Variants in SH3GL3 observed in about 807,000 individuals in gnomAD.
The protein encoded by SH3GL3 is SH3 domain containing GRB2 like 3, endophilin A3, also known as endophilin-A3.
SH3GL3 carries 33 observed loss-of-function variants against 47.7 expected under a neutral mutation model. The observed-to-expected ratio is 0.69, with a 90% CI of 0.52 to 0.92. SH3GL3 has a LOEUF of 0.92. SH3GL3 is among the 40% of genes least tolerant of loss of function. SH3GL3 has a pLI of 0.00. For missense variants in SH3GL3, 363 were observed against 417.8 expected, an observed-to-expected ratio of 0.87 and a Z score of 1.14; for synonymous variants, 155 against 148.8, an observed-to-expected ratio of 1.04 and a Z score of -0.30.
chr15:83,615,375 T>A lies in SH3GL3; in HGVS notation c.839-2707T>A, dbSNP rs1025487351. ...TGTCACCCAGGCTGGAGTGTAGTGG[T>A]GTGATCTCAGCTCACTGCAACCTCC... is the stretch of plus-strand genomic sequence containing the variant. On this transcript the variant is annotated intron_variant, in intron 8 of 8. Coordinates refer to ENST00000427482, the MANE Select transcript of SH3GL3 (RefSeq NM_003027.5). Among the ~76,000 whole-genome samples the A allele has an allele frequency of 3.3e-5, 5 of 152,262 alleles. 1 individual carries two copies. The highest frequency in any genetic ancestry group is 6.5e-5 in the Admixed American group (1 of 15,284).
chr15:83,578,089 T>C (rs2059732882), intron 6 of SH3GL3, among the ~76,000 whole-genome samples: 1 of 152,212 alleles, frequency 6.6e-6, no homozygotes, highest in Non-Finnish European at 1.5e-5. Flanking sequence ...AATCTTCTAT[T>C]GTACTGTGGT....
chr15:83,459,943 C>G (rs1050034683), intron 1 of SH3GL3, among the ~76,000 whole-genome samples: 9 of 149,902 alleles, frequency 6.0e-5, no homozygotes, highest in Admixed American at 2.7e-4. Context: ...CTGTTTCCCC[C>G]CCACCCCCAG....
At chr15:83,480,230 A>G (rs2041287792) in intron 1 of SH3GL3, among the ~76,000 whole-genome samples, 1 of 152,142 alleles carries the variant, frequency 6.6e-6, no homozygotes, top group Non-Finnish European at 1.5e-5. Flanking sequence ...TATTACTTTT[A>G]TCTTTTTGTT....
intron 1 of SH3GL3, among the ~76,000 whole-genome samples, chr15:83,533,729 A>G (rs892579387): frequency 6.6e-6 from 1 of 151,900 alleles, no homozygotes; most frequent in South Asian, 2.1e-4. Context: ...TTTGGAGTGT[A>G]GGATGAAAGG....
chr15:83,567,951 T>C (rs2045629481), intron 3 of SH3GL3, among the ~76,000 whole-genome samples: 1 of 148,612 alleles, frequency 6.7e-6, no homozygotes, highest in Non-Finnish European at 1.5e-5. Flanking sequence ...ATGTGCCCCA[T>C]CATTTCTTTT....
intron 6 of SH3GL3, among the ~76,000 whole-genome samples, chr15:83,580,430 G>A (rs777254218): frequency 6.6e-6 from 1 of 152,214 alleles, no homozygotes; most frequent in African/African-American, 2.4e-5. Context: ...AGGGAAGCCT[G>A]GTGGCAGGCA....
At chr15:83,541,313 T>A (rs1292403090) in intron 1 of SH3GL3, among the ~76,000 whole-genome samples, 1 of 14,916 alleles carries the variant, frequency 6.7e-5, no homozygotes, top group African/African-American at 3.8e-4. Context: ...GGTAATTCTA[T>A]TTTTTTTTTT....
chr15:83,488,564 C>T (rs759001731), intron 1 of SH3GL3, among the ~76,000 whole-genome samples: 3 of 152,282 alleles, frequency 2.0e-5, no homozygotes, highest in Middle Eastern at 3.4e-3. Context: ...GCCTCTTCCT[C>T]GACACACTTT....
At chr15:83,599,349 T>C (rs998055378) in intron 8 of SH3GL3, among the ~76,000 whole-genome samples, 2 of 152,172 alleles carry the variant, frequency 1.3e-5, no homozygotes, top group African/African-American at 4.8e-5. Flanking sequence ...CCCTTACCCC[T>C]TCCACCCTTT....
At chr15:83,612,514 C>G (rs1262353277) in intron 8 of SH3GL3, among the ~76,000 whole-genome samples, 1 of 152,214 alleles carries the variant, frequency 6.6e-6, no homozygotes, top group Admixed American at 6.5e-5. Flanking sequence ...CAGGGAGCGA[C>G]CAGCCTTCAG....
chr15:83,516,351 A>G (rs1029754014), intron 1 of SH3GL3, among the ~76,000 whole-genome samples: 1 of 152,184 alleles, frequency 6.6e-6, no homozygotes, highest in Non-Finnish European at 1.5e-5. Context: ...AATAACGACT[A>G]TAGTATGTTT....
the SH3GL3 span, among the ~76,000 whole-genome samples, chr15:83,633,631 C>T: frequency 3.4e-4 from 52 of 152,306 alleles, 2 homozygotes; most frequent in Middle Eastern, 0.024. Context: ...TTCAACCACC[C>T]AGTGGCACCA....
downstream of SH3GL3, among the ~76,000 whole-genome samples, chr15:83,619,713 T>G (rs974522977): frequency 6.6e-6 from 1 of 152,224 alleles, no homozygotes; most frequent in African/African-American, 2.4e-5. Flanking sequence ...AGGGGTAATA[T>G]TTTTGCTGCT....
intron 1 of SH3GL3, among the ~76,000 whole-genome samples, chr15:83,516,519 G>A (rs1325327325): frequency 1.3e-5 from 2 of 152,154 alleles, no homozygotes; most frequent in African/African-American, 4.8e-5. Context: ...AGGAAGCATG[G>A]TGCTGGCATT....
intron 1 of SH3GL3, among the ~76,000 whole-genome samples, chr15:83,503,619 C>T (rs1213048814): frequency 6.6e-6 from 1 of 152,110 alleles, no homozygotes. Context: ...GGAACTGAGG[C>T]ACAAAATAAT....
intron 8 of SH3GL3, among the ~76,000 whole-genome samples, chr15:83,607,873 T>C (rs1407233894): frequency 2.3e-5 from 3 of 132,264 alleles, no homozygotes; most frequent in Non-Finnish European, 3.2e-5. Context: ...ATAATAATAA[T>C]AATAATACAA....
the SH3GL3 span, among the ~76,000 whole-genome samples, chr15:83,626,218 A>G: frequency 6.6e-6 from 1 of 152,154 alleles, no homozygotes; most frequent in South Asian, 2.1e-4. Context: ...GAGCTCCACT[A>G]CCACAAGACT....
chr15:83,586,970 A>G lies in SH3GL3; in HGVS notation c.625-13A>G, dbSNP rs1203007641. The G allele has an allele frequency of 6.5e-7, 1 of 1,532,426 alleles. No homozygotes were observed. Among genetic ancestry groups the G allele is most frequent in the Non-Finnish European group, 9.0e-7 (1 of 1,115,912 alleles). The allele number at this position is 1,532,426 out of a possible 1,614,324, so 94.9% of individuals were successfully genotyped here. A position where few individuals can be genotyped will look rare whatever the true frequency, so the allele number is the denominator to read the frequency against. On this transcript the variant is annotated splice_polypyrimidine_tract_variant and intron_variant, in intron 6 of 8. Transcript: ENST00000427482. ...TCGGGCCTCCATGGAATAATTTTGC[A>G]CTTCTGCTGCAGGTAGAACAAGTCA... is the stretch of plus-strand genomic sequence containing the variant.
intron 1 of SH3GL3, among the ~76,000 whole-genome samples, chr15:83,495,086 T>C (rs1285225192): frequency 1.3e-5 from 2 of 152,116 alleles, no homozygotes; most frequent in Non-Finnish European, 1.5e-5. Flanking sequence ...TTCCTGGTCT[T>C]GCTGTGGTCC....
Sources: gnomAD v4.1 joint callset for allele counts (sites outside exome capture counted in the v4.1 genomes callset) on GRCh38, gnomAD v4.1.1 for gene constraint, MANE v1.5 for transcripts, NCBI Gene and HGNC (gene_info 2026-07-23, HGNC 2026-07-21) for gene names.